Variants in ESCO1 observed in about 807,000 individuals in gnomAD.
ESCO1 encodes the protein establishment of sister chromatid cohesion N-acetyltransferase 1.
Under a neutral mutation model 83.5 loss-of-function variants are expected in ESCO1, and 33 were observed. The observed-to-expected ratio is 0.40, with a 90% CI of 0.30 to 0.53. The LOEUF is 0.53. Ranked by LOEUF, ESCO1 falls within the 20% of genes least tolerant of loss-of-function variation. The pLI, the probability that ESCO1 is intolerant of heterozygous loss-of-function variation, is 0.63. For synonymous variants in ESCO1, 332 were observed against 324.3 expected (o/e 1.02, Z -0.25); for missense variants, 855 against 968.0 (o/e 0.88, Z 1.55).
chr18:21,556,580 CA>C lies in ESCO1; in HGVS notation c.1953+4278del, dbSNP rs1388733774. On this transcript the variant is annotated intron_variant, in intron 8 of 11. Coordinates refer to ENST00000269214, the MANE Select transcript of ESCO1 (RefSeq NM_052911.3). ...TACCACCTAACACAGTAGCATCTAGCAATGTGTGGCTTTTAAGCACTGGATA... is the reference window on the plus strand; with the variant it reads ...TACCACCTAACACAGTAGCATCTAGCATGTGTGGCTTTTAAGCACTGGATA... Among the ~76,000 whole-genome samples, 4 of 152,116 alleles carry C rather than the reference CA, an allele frequency of 2.6e-5. No homozygotes were observed. In the East Asian group the frequency reaches 5.8e-4, roughly 22 times the overall value.
intron 8 of ESCO1, among the ~76,000 whole-genome samples, chr18:21,546,301 A>G (rs1362279352): frequency 6.6e-6 from 1 of 152,118 alleles, no homozygotes; most frequent in East Asian, 1.9e-4. Context: ...TATAATCCAT[A>G]CTTTGAGAGG....
intron 1 of ESCO1, among the ~76,000 whole-genome samples, chr18:21,591,323 C>T (rs1318806151): frequency 2.0e-5 from 3 of 152,144 alleles, no homozygotes; most frequent in African/African-American, 7.2e-5. Flanking sequence ...CCAACAGAAG[C>T]TAGATGAGGC....
chr18:21,547,830 G>A (rs1461272977), intron 8 of ESCO1, among the ~76,000 whole-genome samples: 1 of 152,150 alleles, frequency 6.6e-6, no homozygotes, highest in Non-Finnish European at 1.5e-5. Context: ...CCGGCCAGGC[G>A]CAGTGGCTCA....
chr18:21,534,916 G>A (rs991366864), intron 10 of ESCO1, among the ~76,000 whole-genome samples: 6 of 151,522 alleles, frequency 4.0e-5, no homozygotes, highest in Admixed American at 1.3e-4. Context: ...GAGCCACTAT[G>A]CCTGGTGGTG....
intron 4 of ESCO1, among the ~76,000 whole-genome samples, chr18:21,570,163 T>C (rs2038320599): frequency 6.6e-6 from 1 of 152,174 alleles, no homozygotes; most frequent in African/African-American, 2.4e-5. Flanking sequence ...AGTGAAATGA[T>C]CACAGCTCAC....
intron 10 of ESCO1, among the ~76,000 whole-genome samples, chr18:21,532,971 AG>A (rs2037786545): frequency 1.3e-5 from 2 of 152,250 alleles, no homozygotes; most frequent in South Asian, 4.1e-4. Context: ...CATCATGAGG[AG>A]CCCCCCCAAT....
intron 4 of ESCO1, among the ~76,000 whole-genome samples, chr18:21,572,964 C>CAAAA (rs11395206): frequency 7.6e-6 from 1 of 131,484 alleles, no homozygotes. Flanking sequence ...AACTCCATCT[C>CAAAA]AAAAAAAAAA....
In ESCO1 at chr18:21,560,315, C is replaced by G. The variant is rs148025759; in HGVS notation, c.1953+544G>C. 1.5e-4 allele frequency among the ~76,000 whole-genome samples: 17 copies of G among 113,414 alleles called. No individual in the cohort carries two copies. In the East Asian group the frequency reaches 4.5e-3, roughly 30 times the overall value. The allele number at this position is 113,414 out of a possible 152,430, so 74.4% of individuals were successfully genotyped here. A position where few individuals can be genotyped will look rare whatever the true frequency, so the allele number is the denominator to read the frequency against. On this transcript the variant is annotated intron_variant, in intron 8 of 11. Transcript: ENST00000269214. Reference sequence around the variant, plus strand: ...TATATTTTGTACTAAAACAGATTTACTCTGTGGGAATTTTTTTTTTTTTTT... The same window carrying G: ...TATATTTTGTACTAAAACAGATTTAGTCTGTGGGAATTTTTTTTTTTTTTT...
At chr18:21,581,022 A>T (rs565214336) in intron 2 of ESCO1, among the ~76,000 whole-genome samples, 1 of 150,770 alleles carries the variant, frequency 6.6e-6, no homozygotes, top group Non-Finnish European at 1.5e-5. Flanking sequence ...TTAAAAAATA[A>T]CAGGGTAGGC....
At chr18:21,565,020 G>A (rs2146202359) in intron 6 of ESCO1, among the ~76,000 whole-genome samples, 1 of 152,242 alleles carries the variant, frequency 6.6e-6, no homozygotes, top group Middle Eastern at 3.4e-3. Context: ...AGGTTGCGGT[G>A]AGCCGAAATC....
chr18:21,587,034 G>A (rs2038591724), intron 1 of ESCO1, among the ~76,000 whole-genome samples: 1 of 152,050 alleles, frequency 6.6e-6, no homozygotes, highest in African/African-American at 2.4e-5. Context: ...TCAACATGGT[G>A]TGTCATACTG....
chr18:21,592,249 G>A (rs1345273112), intron 1 of ESCO1, among the ~76,000 whole-genome samples: 1 of 150,940 alleles, frequency 6.6e-6, no homozygotes, highest in African/African-American at 2.4e-5. Flanking sequence ...AGGGGCGGCC[G>A]GGCAGAGGCG....
rs773109452 is a variant in ESCO1, at chr18:21,539,974, A to G, written c.1989T>C (p.Pro663=). The change falls in exon 9 of 12, where the codon CCT becomes CCC. Residue 663 remains proline, a synonymous_variant. Transcript: ENST00000269214. ...GAAGAACCATTATTATCCTGCCATC[A>G]GGGTATTCAGCCAGAATTCTTTCTT... ...WKKERILAEY[P]DGRIIMVLPE... is the part of the protein sequence containing the mutation. 3.1e-6 allele frequency: 5 copies of G among 1,613,384 alleles called. No individual in the cohort carries two copies. The highest frequency in any genetic ancestry group is 4.2e-6 in the Non-Finnish European group (5 of 1,179,756).
At position 21,574,671 on chromosome 18, in the gene ESCO1, T is replaced by C. The variant is rs780195800; in HGVS notation, c.173A>G (p.Asn58Ser). 67 of 1,613,686 alleles carry C rather than the reference T, an allele frequency of 4.2e-5. 1 individual carries two copies. The highest frequency in any genetic ancestry group is 1.6e-4 in the Middle Eastern group (1 of 6,082). ...CATGCGTGTTTCCAATTCTGGCTGA[T>C]TTATTTTACTTTCACTGGAAGATTT... Reference protein sequence around the residue: ...QAKSSSESKINQPELETRMST... With the variant: ...QAKSSSESKISQPELETRMST... Residue 58 changes from asparagine (N) to serine (S), a missense_variant, in exon 4 of 12, where the codon AAT becomes AGT. By Grantham distance (46) the Asn-to-Ser change is conservative (BLOSUM62 1). This residue lies in a region of ESCO1 where 726 missense variants were observed against 699.5 expected (regional missense o/e 1.04). Coordinates refer to ENST00000269214, the MANE Select transcript of ESCO1 (RefSeq NM_052911.3).
In ESCO1 at chr18:21,567,842, T is replaced by C. The variant is rs1461675235; in HGVS notation, c.1645+138A>G. Reference sequence around the variant, plus strand: ...ATTCTGAAAGCATGGGTGATAGTCATGATAATCACATATTTGAAAAATACA... The same window carrying C: ...ATTCTGAAAGCATGGGTGATAGTCACGATAATCACATATTTGAAAAATACA... On this transcript the variant is annotated intron_variant, in intron 5 of 11. Transcript: ENST00000269214. 3 of 616,120 alleles carry C rather than the reference T, an allele frequency of 4.9e-6. No homozygotes were observed. The African/African-American group carries it at 5.6e-5, about 12-fold the overall frequency. 38.2% of individuals were successfully genotyped at this position (616,120 alleles called of 1,614,324 possible). A position where few individuals can be genotyped will look rare whatever the true frequency, so the allele number is the denominator to read the frequency against.
At chr18:21,582,941 A>G (rs1351499820) in intron 2 of ESCO1, among the ~76,000 whole-genome samples, 2 of 152,248 alleles carry the variant, frequency 1.3e-5, no homozygotes, top group African/African-American at 4.8e-5. Context: ...CTGTAATCCC[A>G]GCACTTTGGG....
At position 21,574,701 on chromosome 18, in the gene ESCO1, T is replaced by A; in HGVS notation, c.143A>T (p.Gln48Leu). ...KSGPKETIKS[Q>L]AKSSSESKIN... ...TTTACTTTCACTGGAAGATTTAGCC[T>A]GTGATTTTATAGTCTCCTTTGGACC... The change falls in exon 4 of 12, where the codon CAG becomes CTG. Residue 48 changes from glutamine (Q) to leucine (L), a missense_variant. This residue lies in a region of ESCO1 where 726 missense variants were observed against 699.5 expected (regional missense o/e 1.04). Transcript: ENST00000269214. 1 of 1,613,324 alleles carries A rather than the reference T, an allele frequency of 6.2e-7. No individual in the cohort carries two copies. The highest frequency in any genetic ancestry group is 8.5e-7 in the Non-Finnish European group (1 of 1,179,994).
intron 7 of ESCO1, 49 bp downstream of exon 7, chr18:21,564,154 A>G (rs1022141477): frequency 6.1e-6 from 7 of 1,156,192 alleles, no homozygotes; most frequent in Non-Finnish European, 8.8e-6. Context: ...GAAATATACT[A>G]AGATGGTTCT....
chr18:21,549,251 A>G (rs916726242), intron 8 of ESCO1, among the ~76,000 whole-genome samples: 1 of 152,190 alleles, frequency 6.6e-6, no homozygotes, highest in African/African-American at 2.4e-5. Context: ...TGAATATGGT[A>G]TCTGGACTAC....
Sources: allele counts gnomAD v4.1 joint callset (sites outside exome capture counted in the v4.1 genomes callset), GRCh38; gene constraint gnomAD v4.1.1; regional missense constraint gnomAD v4.1.1; transcripts MANE v1.5; gene names NCBI Gene and HGNC (gene_info 2026-07-23, HGNC 2026-07-21).